The following MOCS1 variants were observed in gnomAD, a reference collection of about 807,000 sequenced individuals.
MOCS1 encodes molybdenum cofactor biosynthesis protein 1.
Under a neutral mutation model 57.6 loss-of-function variants are expected in MOCS1, and 39 were observed. That is an observed-to-expected ratio of 0.68 (90% CI 0.52 to 0.88). MOCS1 has a LOEUF of 0.88. Among genes scored for constraint, MOCS1 ranks in the 40% least tolerant of loss-of-function variants. The pLI, the probability that MOCS1 is intolerant of heterozygous loss-of-function variation, is 0.00. For missense variants in MOCS1, 795 were observed against 831.1 expected, an observed-to-expected ratio of 0.96 and a Z score of 0.53; for synonymous variants, 334 against 335.7, an observed-to-expected ratio of 1.00 and a Z score of 0.05.
intron 3 of MOCS1, among the ~76,000 whole-genome samples, chr6:39,924,955 C>T (rs1247085720): frequency 6.6e-6 from 1 of 152,090 alleles, no homozygotes; most frequent in Non-Finnish European, 1.5e-5. Flanking sequence ...CGGTGTGTGC[C>T]TGTAAGCCCA....
chr6:39,928,446 G>A (rs1052869800), intron 1 of MOCS1, among the ~76,000 whole-genome samples: 1 of 152,178 alleles, frequency 6.6e-6, no homozygotes, highest in Non-Finnish European at 1.5e-5. Context: ...TTACAGGCAT[G>A]AGCCACCACA....
Position 39,905,981 on chromosome 6 carries a change from G to GGAGAA in MOCS1, c.*371_*375dup. 2.1e-6 allele frequency: 1 copy of GGAGAA among 472,066 alleles called. No homozygotes were observed. Among genetic ancestry groups the GGAGAA allele is most frequent in the South Asian group, 1.6e-5 (1 of 64,486 alleles). The allele number at this position is 472,066 out of a possible 1,614,324, so 29.2% of individuals were successfully genotyped here. On this transcript the variant is annotated 3_prime_UTR_variant, in exon 11 of 11. Coordinates refer to ENST00000340692, the MANE Select transcript of MOCS1 (RefSeq NM_001358530.2). ...CGCTTAATCTCTCCCCAGGAAAGCA[G>GGAGAA]GAGAAGAGAAAACCCAAAATGAGAA...
At chr6:39,912,158 C>T (rs181602233) in intron 8 of MOCS1, 106 bp downstream of exon 8, 35 of 907,392 alleles carry the variant, frequency 3.9e-5, no homozygotes, top group Admixed American at 1.0e-4. Flanking sequence ...CCACCTCCCC[C>T]GACACCGTGC....
At chr6:39,920,531 A>G (rs747844168) in intron 3 of MOCS1, among the ~76,000 whole-genome samples, 2 of 152,254 alleles carry the variant, frequency 1.3e-5, no homozygotes, top group Admixed American at 6.5e-5. Flanking sequence ...AATAGGGTAC[A>G]TTCACATAAT....
chr6:39,909,806 C>CT (rs1562086242), intron 9 of MOCS1, 29 bp downstream of exon 9: 2 of 1,610,570 alleles, frequency 1.2e-6, no homozygotes, highest in Non-Finnish European at 1.7e-6. Flanking sequence ...ACTCACCATC[C>CT]AGGCCAGCCC....
rs758699342 is a variant in MOCS1, at chr6:39,906,298, C to T, written c.*59G>A. 1.1e-5 allele frequency: 18 copies of T among 1,596,730 alleles called. No homozygotes were observed. In the South Asian group the frequency reaches 1.2e-4, roughly 11 times the overall value. ...TTAAAGGAACCTGACGTCTTTCCCTCAGCCTACATTGCATCCCAGCTCCAG... is the reference window on the plus strand; with the variant it reads ...TTAAAGGAACCTGACGTCTTTCCCTTAGCCTACATTGCATCCCAGCTCCAG... On this transcript the variant is annotated 3_prime_UTR_variant, in exon 11 of 11. Coordinates refer to ENST00000340692, the MANE Select transcript of MOCS1 (RefSeq NM_001358530.2).
Position 39,906,008 on chromosome 6 carries a change from GA to G in MOCS1, c.*348del, listed in dbSNP as rs1321725766. On this transcript the variant is annotated 3_prime_UTR_variant, in exon 11 of 11. Transcript: ENST00000340692. ...AGAAGAGAAAACCCAAAATGAGAAGGAAAAGTTCTGGGCTGGACTGTCGGAA... is the reference window on the plus strand; with the variant it reads ...AGAAGAGAAAACCCAAAATGAGAAGGAAAGTTCTGGGCTGGACTGTCGGAA... The G allele has an allele frequency of 2.0e-6, 1 of 502,598 alleles. No homozygotes were observed. Among genetic ancestry groups the G allele is most frequent in the Non-Finnish European group, 3.9e-6 (1 of 259,244 alleles). 31.1% of individuals were successfully genotyped at this position (502,598 alleles called of 1,614,324 possible).
At chr6:39,924,081 G>A (rs1408307686) in intron 3 of MOCS1, among the ~76,000 whole-genome samples, 1 of 152,212 alleles carries the variant, frequency 6.6e-6, no homozygotes, top group Non-Finnish European at 1.5e-5. Flanking sequence ...TCTCTTTCCT[G>A]ATCTTGGGGT....
intron 1 of MOCS1, among the ~76,000 whole-genome samples, chr6:39,933,612 CAAAACCTA>C (rs1489511161): frequency 1.3e-5 from 2 of 152,092 alleles, no homozygotes; most frequent in Admixed American, 1.3e-4. Flanking sequence ...GAAGAACAAC[CAAAACCTA>C]AAACTTTTAA....
chr6:39,927,126 C>T (rs1303283084), intron 2 of MOCS1: 2 of 593,626 alleles, frequency 3.4e-6, no homozygotes, highest in Non-Finnish European at 6.0e-6. Flanking sequence ...CCAAGTAGGA[C>T]ACAGCTTCTA....
At chr6:39,921,595 T>C (rs910373740) in intron 3 of MOCS1, among the ~76,000 whole-genome samples, 6 of 152,128 alleles carry the variant, frequency 3.9e-5, no homozygotes, top group Non-Finnish European at 7.4e-5. Flanking sequence ...TAAAACAAAA[T>C]GCTTTACCTC....
Position 39,912,119 on chromosome 6 carries a change from T to G in MOCS1, c.981+145A>C, listed in dbSNP as rs1108399. ...TCACCCTCACCTGCTGCTCCCATCA[T>G]GCCCCCAAACCTGACATTATTGCAC... On this transcript the variant is annotated intron_variant, in intron 8 of 10. Coordinates refer to ENST00000340692, the MANE Select transcript of MOCS1 (RefSeq NM_001358530.2). The G allele has an allele frequency of 3.1e-4, 219 of 702,104 alleles. No homozygotes were observed. In the East Asian group the frequency reaches 5.5e-3, roughly 18 times the overall value. 43.5% of individuals were successfully genotyped at this position (702,104 alleles called of 1,614,324 possible). A position where few individuals can be genotyped will look rare whatever the true frequency, so the allele number is the denominator to read the frequency against.
At chr6:39,933,519 C>T (rs1000472288) in intron 1 of MOCS1, among the ~76,000 whole-genome samples, 2 of 152,108 alleles carry the variant, frequency 1.3e-5, no homozygotes, top group South Asian at 2.1e-4. Flanking sequence ...GGGAAAAAAA[C>T]GCCTAGATAG....
At chr6:39,926,301 CTGCCGTCCTCTG>C (rs1768296908) in intron 2 of MOCS1, among the ~76,000 whole-genome samples, 1 of 152,194 alleles carries the variant, frequency 6.6e-6, no homozygotes, top group African/African-American at 2.4e-5. Flanking sequence ...CTGGCAAAAG[CTGCCGTCCTCTG>C]TAGCTACAAG....
chr6:39,925,843 G>A lies in MOCS1; in HGVS notation c.253C>T (p.Gln85Ter), dbSNP rs1768262580. 6.2e-7 allele frequency: 1 copy of A among 1,607,600 alleles called. No individual in the cohort carries two copies. The highest frequency in any genetic ancestry group is 1.1e-5 in the South Asian group (1 of 90,888). Residue 85 changes from glutamine to a stop codon, truncating the protein, a stop_gained and splice_region_variant, in exon 3 of 11, where the codon CAG becomes TAG. Transcript: ENST00000340692. LOFTEE classifies it high-confidence loss of function. ...ACCCCCTCCTCGGGCATGCAGTACT[G>A]ACCTGAGGGAAGGATGAATGGGAAT... Reference protein sequence around the residue: ...SLTEKCNLRCQYCMPEEGVPL... With the variant: ...SLTEKCNLRC
At position 39,906,572 on chromosome 6, in the gene MOCS1, G is replaced by A; in HGVS notation, c.1696C>T (p.Leu566=). 1 of 1,613,812 alleles carries A rather than the reference G, an allele frequency of 6.2e-7. No individual in the cohort carries two copies. The highest frequency in any genetic ancestry group is 8.5e-7 in the Non-Finnish European group (1 of 1,180,040). ...HVALSHIQVQ[L]ELDSTRHAVK... is the part of the protein sequence containing the mutation. Reference sequence around the variant, plus strand: ...GCATGGCGTGTGCTGTCCAGCTCCAGCTGCACCTGGATGTGGCTCAGGGCC... The same window carrying A: ...GCATGGCGTGTGCTGTCCAGCTCCAACTGCACCTGGATGTGGCTCAGGGCC... The change falls in exon 11 of 11, where the codon CTG becomes TTG. Residue 566 remains leucine (L), a synonymous_variant. Coordinates refer to ENST00000340692, the MANE Select transcript of MOCS1 (RefSeq NM_001358530.2).
rs541872347 is a variant in MOCS1, at chr6:39,930,516, CA to C, written c.124-3062del. 2.7e-5 allele frequency among the ~76,000 whole-genome samples: 4 copies of C among 147,894 alleles called. No individual in the cohort carries two copies. The South Asian group carries it at 9.1e-4, about 34-fold the overall frequency. On this transcript the variant is annotated intron_variant, in intron 1 of 10. Coordinates refer to ENST00000340692, the MANE Select transcript of MOCS1 (RefSeq NM_001358530.2). ...AATGTAAGCAGAAAGGTCGTATATG[CA>C]AAAGCCAGTTACATGGGGGTAATCA...
chr6:39,930,456 C>T (rs1768587773), intron 1 of MOCS1, among the ~76,000 whole-genome samples: 2 of 152,188 alleles, frequency 1.3e-5, no homozygotes, highest in Admixed American at 6.5e-5. Context: ...GATGTTGGTA[C>T]ATTTTGAATC....
At chr6:39,918,386 A>G (rs2475799) in intron 3 of MOCS1, among the ~76,000 whole-genome samples, 19 of 152,394 alleles carry the variant, frequency 1.2e-4, no homozygotes, top group African/African-American at 4.6e-4. Context: ...GCACACAATC[A>G]TGGTGTAAGA....
Sources: gnomAD v4.1 joint callset for allele counts (sites outside exome capture counted in the v4.1 genomes callset) on GRCh38, gnomAD v4.1.1 for gene constraint, MANE v1.5 for transcripts, NCBI Gene and HGNC (gene_info 2026-07-23, HGNC 2026-07-21) for gene names.